The following ZRANB3 variants were observed in gnomAD, a reference collection of about 807,000 sequenced individuals.
ZRANB3 encodes zinc finger RANBP2-type containing 3, also known as DNA annealing helicase and endonuclease ZRANB3.
Under a neutral mutation model 133.8 loss-of-function variants are expected in ZRANB3, and 125 were observed. That is an observed-to-expected ratio of 0.93 (90% CI 0.81 to 1.08). The LOEUF (loss-of-function observed/expected upper bound fraction) is 1.08, where lower values mean the gene tolerates loss of function less well. Ranked by LOEUF, ZRANB3 falls within the 50% of genes least tolerant of loss-of-function variation. The pLI, the probability that ZRANB3 is intolerant of heterozygous loss-of-function variation, is 0.00. For missense variants in ZRANB3, 1,229 were observed against 1,275.5 expected (o/e 0.96, Z 0.56); for synonymous variants, 387 against 432.7 (o/e 0.89, Z 1.31).
chr2:135,455,393 G>C (rs1690465253), intron 2 of ZRANB3, among the ~76,000 whole-genome samples: 1 of 150,578 alleles, frequency 6.6e-6, no homozygotes, highest in Non-Finnish European at 1.5e-5. Flanking sequence ...TCGCCACGTT[G>C]GCCAGGATGG....
intron 6 of ZRANB3, among the ~76,000 whole-genome samples, chr2:135,327,091 T>TG (rs1683874151): frequency 6.6e-6 from 1 of 151,896 alleles, no homozygotes; most frequent in Non-Finnish European, 1.5e-5. Context: ...AATGAGTACA[T>TG]GGGGGGTTCA....
chr2:135,284,127 C>T (rs1328962574), intron 8 of ZRANB3, among the ~76,000 whole-genome samples: 2 of 152,196 alleles, frequency 1.3e-5, no homozygotes, highest in Non-Finnish European at 1.5e-5. Context: ...ATCCTAGCTC[C>T]ATCACTTACA....
At chr2:135,208,549 A>C (rs993622258) in intron 18 of ZRANB3, among the ~76,000 whole-genome samples, 10 of 152,240 alleles carry the variant, frequency 6.6e-5, no homozygotes, top group African/African-American at 2.4e-4. Context: ...GTTAAAAGAA[A>C]GACTTCTAAT....
Position 135,418,925 on chromosome 2 carries a change from C to CTTTTTTTTTTTTTTTTTTTTTTTTT in ZRANB3, c.162-28130_162-28106dup, listed in dbSNP as rs769271961. On this transcript the variant is annotated intron_variant, in intron 2 of 20. Transcript: ENST00000264159. ...AAGTAATGAAAAATAAGGATTCTCT[C>CTTTTTTTTTTTTTTTTTTTTTTTTT]TTTTTTTTTTTTTTTTTTTTTTTTT... 8.2e-5 allele frequency among the ~76,000 whole-genome samples: 7 copies of CTTTTTTTTTTTTTTTTTTTTTTTTT among 85,882 alleles called. 1 individual carries two copies. Among genetic ancestry groups the CTTTTTTTTTTTTTTTTTTTTTTTTT allele is most frequent in the African/African-American group, 2.7e-4 (6 of 22,086 alleles). The allele number at this position is 85,882 out of a possible 152,430, so 56.3% of individuals were successfully genotyped here. A position where few individuals can be genotyped will look rare whatever the true frequency, so the allele number is the denominator to read the frequency against.
chr2:135,412,709 G>C lies in ZRANB3; in HGVS notation c.162-21889C>G, dbSNP rs188862204. On this transcript the variant is annotated intron_variant, in intron 2 of 20. Coordinates refer to ENST00000264159, the MANE Select transcript of ZRANB3 (RefSeq NM_032143.4). ...TAATAAATTCTCTCAAAACAGCTGA[G>C]GTATACCTTTTTTAAACCATCTAGT... Among the ~76,000 whole-genome samples, 572 of 129,866 alleles carry C rather than the reference G, an allele frequency of 4.4e-3. 3 individuals are homozygous for C. Among genetic ancestry groups the C allele is most frequent in the Middle Eastern group, 0.011 (3 of 274 alleles). 85.2% of individuals were successfully genotyped at this position (129,866 alleles called of 152,430 possible).
intron 8 of ZRANB3, among the ~76,000 whole-genome samples, chr2:135,295,865 G>C (rs1378897106): frequency 1.3e-5 from 2 of 152,168 alleles, no homozygotes; most frequent in Non-Finnish European, 2.9e-5. Context: ...ATGAAATTCT[G>C]GGTTGAAAAT....
At chr2:135,263,610 T>C (rs1680072402) in intron 12 of ZRANB3, among the ~76,000 whole-genome samples, 1 of 152,134 alleles carries the variant, frequency 6.6e-6, no homozygotes, top group African/African-American at 2.4e-5. Context: ...CTGTTATATA[T>C]TGTGTGCCAG....
chr2:135,293,532 C>T (rs1243642969), intron 8 of ZRANB3, among the ~76,000 whole-genome samples: 1 of 152,156 alleles, frequency 6.6e-6, no homozygotes, highest in Non-Finnish European at 1.5e-5. Context: ...ACAATCATGT[C>T]ATCTGCAAAC....
intron 1 of ZRANB3, among the ~76,000 whole-genome samples, chr2:135,524,310 G>A (rs142192428): frequency 0.05 from 7,634 of 152,078 alleles, 265 homozygotes; most frequent in Middle Eastern, 0.12. Context: ...TCGAACTCCC[G>A]ACCTCAGGTG....
At chr2:135,406,990 G>A (rs1364950225) in intron 2 of ZRANB3, among the ~76,000 whole-genome samples, 4 of 152,066 alleles carry the variant, frequency 2.6e-5, no homozygotes, top group Non-Finnish European at 5.9e-5. Context: ...GGCAGGAGAA[G>A]GAAATAAAGG....
At chr2:135,356,522 G>T (rs1685444000) in intron 3 of ZRANB3, among the ~76,000 whole-genome samples, 1 of 152,094 alleles carries the variant, frequency 6.6e-6, no homozygotes, top group South Asian at 2.1e-4. Flanking sequence ...GAAGAATCCT[G>T]ATATGCTGGG....
intron 2 of ZRANB3, among the ~76,000 whole-genome samples, chr2:135,406,611 A>C (rs980935982): frequency 1.3e-5 from 2 of 152,198 alleles, no homozygotes; most frequent in African/African-American, 2.4e-5. Flanking sequence ...CACATCAAAA[A>C]GCTTATCCAC....
rs773360393 is a variant in ZRANB3, at chr2:135,230,632, T to G, written c.1835A>C (p.Lys612Thr). 5 of 1,613,670 alleles carry G rather than the reference T, an allele frequency of 3.1e-6. No homozygotes were observed. Among genetic ancestry groups the G allele is most frequent in the Non-Finnish European group, 4.2e-6 (5 of 1,179,792 alleles). Residue 612 changes from lysine (K) to threonine (T), a missense_variant, in exon 13 of 21, where the codon AAG becomes ACG. Transcript: ENST00000264159. ...TPLVESVQEA[K>T]AQLTTPAFPV... The stretch of plus-strand genomic sequence containing the variant: ...AAAGGCTGGGGTGGTTAACTGGGCC[T>G]TGGCCTCCTGTACACTTTCCACGAG...
chr2:135,405,095 C>T (rs576768564), intron 2 of ZRANB3, among the ~76,000 whole-genome samples: 1 of 152,210 alleles, frequency 6.6e-6, no homozygotes, highest in African/African-American at 2.4e-5. Flanking sequence ...CAGAGACACA[C>T]ATAGGCTCAA....
At chr2:135,414,670 C>A (rs1184050865) in intron 2 of ZRANB3, among the ~76,000 whole-genome samples, 1 of 152,184 alleles carries the variant, frequency 6.6e-6, no homozygotes, top group South Asian at 2.1e-4. Flanking sequence ...AGCACCACAC[C>A]ACACCTATTC....
intron 2 of ZRANB3, among the ~76,000 whole-genome samples, chr2:135,409,460 C>T (rs58586200): frequency 4.6e-5 from 7 of 151,872 alleles, no homozygotes; most frequent in African/African-American, 1.7e-4. Context: ...AAAAAACTCT[C>T]AACAAATTAG....
intron 2 of ZRANB3, among the ~76,000 whole-genome samples, chr2:135,443,876 T>C (rs1244453228): frequency 6.6e-6 from 1 of 152,178 alleles, no homozygotes; most frequent in African/African-American, 2.4e-5. Flanking sequence ...GAAAATATTT[T>C]CAAATCTTGT....
At chr2:135,442,940 C>T (rs1415416643) in intron 2 of ZRANB3, among the ~76,000 whole-genome samples, 6 of 151,876 alleles carry the variant, frequency 4.0e-5, no homozygotes, top group Admixed American at 2.6e-4. Context: ...CATGGTGAAA[C>T]CCCATCTCTA....
chr2:135,450,295 TAA>T (rs11298818), intron 2 of ZRANB3, among the ~76,000 whole-genome samples: 2,810 of 136,126 alleles, frequency 0.021, 35 homozygotes, highest in East Asian at 0.059. Flanking sequence ...AAAATAAAAT[TAA>T]AAAAAAAAAA....
Sources: gnomAD v4.1 joint callset for allele counts (sites outside exome capture counted in the v4.1 genomes callset) on GRCh38, gnomAD v4.1.1 for gene constraint, MANE v1.5 for transcripts, NCBI Gene and HGNC (gene_info 2026-07-23, HGNC 2026-07-21) for gene names.